Variants in AUTS2 observed in about 807,000 individuals in gnomAD.
The protein encoded by AUTS2 is autism susceptibility gene 2 protein.
AUTS2 carries 17 observed loss-of-function variants against 112.4 expected under a neutral mutation model. That is an observed-to-expected ratio of 0.15 (90% CI 0.10 to 0.23). The LOEUF is 0.23. AUTS2 is among the 10% of genes least tolerant of loss of function. AUTS2 has a pLI of 1.00. For missense variants in AUTS2, 1,510 were observed against 1,701.6 expected (o/e 0.89, Z 1.98); for synonymous variants, 751 against 702.7 (o/e 1.07, Z -1.09).
At position 70,135,029 on chromosome 7, in the gene AUTS2, T is replaced by A. The variant is rs1450336884; in HGVS notation, c.660+458T>A. Among the ~76,000 whole-genome samples, 4 of 152,278 alleles carry A rather than the reference T, an allele frequency of 2.6e-5. No homozygotes were observed. In the East Asian group the frequency reaches 5.8e-4, roughly 22 times the overall value. ...TGGAGATGGTATTTTTTAATGAATG[T>A]TTTCCCTCACAGTCTGGGTAGTTTG... On this transcript the variant is annotated intron_variant, in intron 4 of 18. Coordinates refer to ENST00000342771, the MANE Select transcript of AUTS2 (RefSeq NM_015570.4).
intron 1 of AUTS2, among the ~76,000 whole-genome samples, chr7:69,608,230 G>A (rs961551713): frequency 3.9e-5 from 6 of 152,128 alleles, no homozygotes; most frequent in Non-Finnish European, 5.9e-5. Flanking sequence ...CACTGCACCC[G>A]GCAAGAAATC....
intron 4 of AUTS2, among the ~76,000 whole-genome samples, chr7:70,145,239 A>C (rs1345417821): frequency 6.6e-6 from 1 of 152,140 alleles, no homozygotes; most frequent in African/African-American, 2.4e-5. Flanking sequence ...ATTTATAGAT[A>C]CATCTGGAAA....
In AUTS2 at chr7:70,718,641, C is replaced by T. The variant is rs930655213; in HGVS notation, c.742+20021C>T. Reference sequence around the variant, plus strand: ...TTGCACCACTGCACTCCAGCCTGGGCGACAGGGTAAGACTCCGTCTCAAAA... The same window carrying T: ...TTGCACCACTGCACTCCAGCCTGGGTGACAGGGTAAGACTCCGTCTCAAAA... On this transcript the variant is annotated intron_variant, in intron 6 of 18. Coordinates refer to ENST00000342771, the MANE Select transcript of AUTS2 (RefSeq NM_015570.4). Among the ~76,000 whole-genome samples, 8 of 152,062 alleles carry T rather than the reference C, an allele frequency of 5.3e-5. No individual in the cohort carries two copies. In the East Asian group the frequency reaches 1.2e-3, roughly 22 times the overall value.
intron 6 of AUTS2, among the ~76,000 whole-genome samples, chr7:70,727,558 G>C (rs1787112499): frequency 1.3e-5 from 2 of 152,138 alleles, no homozygotes; most frequent in Admixed American, 6.5e-5. Flanking sequence ...ATGTTGGCCA[G>C]GCTGGTCTCG....
intron 1 of AUTS2, among the ~76,000 whole-genome samples, chr7:69,733,659 A>G (rs1786900166): frequency 6.6e-6 from 1 of 152,184 alleles, no homozygotes; most frequent in Admixed American, 6.6e-5. Flanking sequence ...ACTACATTGT[A>G]TAAACAGTAT....
chr7:70,336,987 C>T lies in AUTS2; in HGVS notation c.661-98765C>T, dbSNP rs575051941. Reference sequence around the variant, plus strand: ...CAGCTTACTAAACCTCTTTCATTGACTGTGGTATTGGCTACCGATTTAAAA... The same window carrying T: ...CAGCTTACTAAACCTCTTTCATTGATTGTGGTATTGGCTACCGATTTAAAA... On this transcript the variant is annotated intron_variant, in intron 4 of 18. Transcript: ENST00000342771. Among the ~76,000 whole-genome samples the T allele has an allele frequency of 7.2e-5, 11 of 152,274 alleles. No homozygotes were observed. In the East Asian group the frequency reaches 2.1e-3, roughly 29 times the overall value.
chr7:70,545,583 C>T (rs1800738966), intron 5 of AUTS2, among the ~76,000 whole-genome samples: 1 of 152,186 alleles, frequency 6.6e-6, no homozygotes, highest in Non-Finnish European at 1.5e-5. Context: ...GAAAATGGTC[C>T]GTTCATGTTT....
At chr7:70,388,274 C>T (rs568176856) in intron 4 of AUTS2, among the ~76,000 whole-genome samples, 1 of 152,230 alleles carries the variant, frequency 6.6e-6, no homozygotes, top group African/African-American at 2.4e-5. Flanking sequence ...ACATTTAGCA[C>T]TTTGTCTTGT....
intron 6 of AUTS2, among the ~76,000 whole-genome samples, chr7:70,700,359 T>C (rs1017311404): frequency 4.6e-5 from 7 of 152,236 alleles, no homozygotes; most frequent in Admixed American, 4.6e-4. Context: ...AGGCTTTTTC[T>C]AAGCTTTGCT....
chr7:70,434,009 C>A (rs1795786120), intron 4 of AUTS2, among the ~76,000 whole-genome samples: 1 of 152,118 alleles, frequency 6.6e-6, no homozygotes, highest in African/African-American at 2.4e-5. Context: ...GCATTTTTTC[C>A]CTTGGTCCCA....
intron 12 of AUTS2, chr7:70,774,683 G>T (rs1420620482): frequency 6.6e-6 from 1 of 152,416 alleles, no homozygotes; most frequent in East Asian, 1.9e-4. Flanking sequence ...GGAATCTGAA[G>T]TTATACGATA....
At chr7:70,073,669 T>C (rs1449775961) in intron 2 of AUTS2, among the ~76,000 whole-genome samples, 1 of 152,188 alleles carries the variant, frequency 6.6e-6, no homozygotes, top group Non-Finnish European at 1.5e-5. Flanking sequence ...TGGAAGGTAA[T>C]ATTGTTTACC....
At chr7:70,118,293 C>T (rs1805496086) in intron 3 of AUTS2, 60 bp downstream of exon 3, 1 of 1,464,716 alleles carries the variant, frequency 6.8e-7, no homozygotes. Context: ...AGGCCACACA[C>T]ACACCATTGG....
At chr7:70,765,876 A>C (rs1307505613) in intron 8 of AUTS2, among the ~76,000 whole-genome samples, 2 of 152,130 alleles carry the variant, frequency 1.3e-5, no homozygotes, top group South Asian at 4.1e-4. Flanking sequence ...TTTGTTCCCC[A>C]GATTGATAGA....
At chr7:70,055,551 T>G (rs1801955410) in intron 2 of AUTS2, among the ~76,000 whole-genome samples, 1 of 152,248 alleles carries the variant, frequency 6.6e-6, no homozygotes, top group Non-Finnish European at 1.5e-5. Flanking sequence ...TTGAGAATGC[T>G]CTAAGTCATA....
At chr7:70,427,543 TAC>T (rs768354840) in intron 4 of AUTS2, among the ~76,000 whole-genome samples, 23 of 152,162 alleles carry the variant, frequency 1.5e-4, no homozygotes, top group Non-Finnish European at 2.5e-4. Context: ...ATTTACAACA[TAC>T]AGATTGTTTT....
At chr7:69,916,401 C>T (rs1239463673) in intron 2 of AUTS2, among the ~76,000 whole-genome samples, 2 of 152,084 alleles carry the variant, frequency 1.3e-5, no homozygotes, top group Non-Finnish European at 2.9e-5. Flanking sequence ...GTGGAAGTTA[C>T]ATTCTCTTCA....
rs139560001 is a variant in AUTS2, at chr7:69,622,522, C to G, written c.309+22560C>G. The stretch of plus-strand genomic sequence containing the variant: ...TGACTTTAGTCCTGTCATTAAACCT[C>G]TGGAAATTTAAACTTTCAACAATGT... On this transcript the variant is annotated intron_variant, in intron 1 of 18. Transcript: ENST00000342771. Among the ~76,000 whole-genome samples the G allele has an allele frequency of 8.5e-5, 13 of 152,246 alleles. No homozygotes were observed. In the East Asian group the frequency reaches 2.3e-3, roughly 27 times the overall value.
intron 4 of AUTS2, among the ~76,000 whole-genome samples, chr7:70,194,141 G>A (rs1487246471): frequency 6.6e-6 from 1 of 152,228 alleles, no homozygotes; most frequent in Non-Finnish European, 1.5e-5. Context: ...TGGGTGCGGT[G>A]GCTCACGCCT....
Sources: allele counts gnomAD v4.1 joint callset (sites outside exome capture counted in the v4.1 genomes callset), GRCh38; gene constraint gnomAD v4.1.1; transcripts MANE v1.5; gene names NCBI Gene and HGNC (gene_info 2026-07-23, HGNC 2026-07-21).